Variants in PHACTR1 observed in about 807,000 individuals in gnomAD.
The protein encoded by PHACTR1 is phosphatase and actin regulator 1.
Under a neutral mutation model 69.2 loss-of-function variants are expected in PHACTR1, and 16 were observed. The ratio of observed to expected loss-of-function variants is 0.23; its 90% CI spans 0.16 to 0.35. PHACTR1 has a LOEUF of 0.35. PHACTR1 is among the 10% of genes least tolerant of loss of function. PHACTR1 has a pLI of 1.00. For missense variants in PHACTR1, 510 were observed against 734.7 expected (o/e 0.69, Z 3.54); for synonymous variants, 312 against 284.5 (o/e 1.10, Z -0.97).
intron 4 of PHACTR1, among the ~76,000 whole-genome samples, chr6:12,819,083 A>G (rs541392887): frequency 1.3e-5 from 2 of 152,224 alleles, no homozygotes; most frequent in Non-Finnish European, 2.9e-5. Flanking sequence ...GAAAACCATG[A>G]ACACTGGGCA....
chr6:13,106,633 A>G (rs1816189541), intron 5 of PHACTR1, among the ~76,000 whole-genome samples: 1 of 152,176 alleles, frequency 6.6e-6, no homozygotes, highest in South Asian at 2.1e-4. Context: ...ATGTACCACC[A>G]TGCCTGGCTA....
chr6:12,941,472 TAAAGA>T lies in PHACTR1; in HGVS notation c.251-111891_251-111887del, dbSNP rs531868770. 2.5e-3 allele frequency among the ~76,000 whole-genome samples: 383 copies of T among 152,150 alleles called. 2 individuals are homozygous for T. The highest frequency in any genetic ancestry group is 8.7e-3 in the African/African-American group (362 of 41,516). ...ACAGTAGTACCAGGCTGATTGTAAG[TAAAGA>T]AGAGGTGGAGGGGCCTCATCACTCA... On this transcript the variant is annotated intron_variant, in intron 4 of 14. Coordinates refer to ENST00000332995, the MANE Select transcript of PHACTR1 (RefSeq NM_030948.6).
chr6:13,076,760 T>C (rs1042809733), intron 5 of PHACTR1, among the ~76,000 whole-genome samples: 1 of 151,752 alleles, frequency 6.6e-6, no homozygotes, highest in African/African-American at 2.4e-5. Context: ...GAAGGGACAT[T>C]CCAGATGCAG....
At chr6:13,027,395 G>C (rs919194969) in intron 4 of PHACTR1, among the ~76,000 whole-genome samples, 2 of 152,146 alleles carry the variant, frequency 1.3e-5, no homozygotes, top group African/African-American at 4.8e-5. Flanking sequence ...TCCTTCATTT[G>C]TCTTTTATGC....
At chr6:12,886,841 CA>C (rs199774310) in intron 4 of PHACTR1, among the ~76,000 whole-genome samples, 2,313 of 138,692 alleles carry the variant, frequency 0.017, 39 homozygotes, top group African/African-American at 0.047. Flanking sequence ...AATGCAGTTC[CA>C]AAAAAAAAAA....
chr6:12,809,482 C>A (rs2127692435), intron 4 of PHACTR1, among the ~76,000 whole-genome samples: 1 of 152,300 alleles, frequency 6.6e-6, no homozygotes, highest in East Asian at 1.9e-4. Flanking sequence ...TTTATCCAAA[C>A]TGGCATGAGA....
chr6:13,209,422 A>G (rs932885375), intron 8 of PHACTR1, among the ~76,000 whole-genome samples: 1 of 152,142 alleles, frequency 6.6e-6, no homozygotes, highest in East Asian at 1.9e-4. Context: ...ATTACCAAAC[A>G]CTCAGGCATC....
At chr6:13,285,698 G>A (rs1203830025) in intron 13 of PHACTR1, among the ~76,000 whole-genome samples, 2 of 152,200 alleles carry the variant, frequency 1.3e-5, no homozygotes, top group Non-Finnish European at 2.9e-5. Context: ...GTAGGGAGCT[G>A]GCCATCACCT....
intron 5 of PHACTR1, among the ~76,000 whole-genome samples, chr6:13,063,175 A>T (rs1807946923): frequency 6.6e-6 from 1 of 152,220 alleles, no homozygotes; most frequent in African/African-American, 2.4e-5. Context: ...TAAGAAGTCC[A>T]TACCATTGCA....
At chr6:13,191,358 G>A (rs1487394399) in intron 7 of PHACTR1, among the ~76,000 whole-genome samples, 1 of 152,132 alleles carries the variant, frequency 6.6e-6, no homozygotes, top group Non-Finnish European at 1.5e-5. Context: ...TTATACTCAC[G>A]GGCCCTAGAG....
intron 6 of PHACTR1, among the ~76,000 whole-genome samples, chr6:13,169,390 T>G (rs1348800015): frequency 6.6e-6 from 1 of 152,190 alleles, no homozygotes; most frequent in Non-Finnish European, 1.5e-5. Flanking sequence ...TGGTTTGGAC[T>G]GGTCAGTGTA....
intron 4 of PHACTR1, among the ~76,000 whole-genome samples, chr6:12,963,323 C>A (rs1179734059): frequency 6.6e-6 from 1 of 152,204 alleles, no homozygotes; most frequent in East Asian, 1.9e-4. Flanking sequence ...TGCACCGTTA[C>A]CGGGACCATT....
intron 5 of PHACTR1, among the ~76,000 whole-genome samples, chr6:13,134,327 C>T (rs569641606): frequency 5.3e-5 from 8 of 152,342 alleles, no homozygotes; most frequent in East Asian, 1.9e-4. Context: ...TCCATGATGA[C>T]GATGGCGGTT....
intron 5 of PHACTR1, among the ~76,000 whole-genome samples, chr6:13,115,527 G>A (rs1561850577): frequency 6.6e-6 from 1 of 152,088 alleles, no homozygotes; most frequent in South Asian, 2.1e-4. Context: ...AACAGAGCCT[G>A]AGATGAGGGT....
intron 4 of PHACTR1, among the ~76,000 whole-genome samples, chr6:12,964,127 C>A (rs1344636602): frequency 1.3e-5 from 2 of 152,112 alleles, no homozygotes; most frequent in Non-Finnish European, 1.5e-5. Context: ...AAGCCAACTA[C>A]CTTGTGAGTA....
chr6:12,930,928 G>A (rs568390056), intron 4 of PHACTR1, among the ~76,000 whole-genome samples: 70 of 144,900 alleles, frequency 4.8e-4, no homozygotes, highest in Non-Finnish European at 7.8e-4. Flanking sequence ...GCACATGCCT[G>A]TAATCCCAGC....
chr6:13,206,247 G>A (rs1765905317), intron 8 of PHACTR1, 111 bp downstream of exon 8: 1 of 1,144,374 alleles, frequency 8.7e-7, no homozygotes, highest in African/African-American at 1.6e-5. Flanking sequence ...ATCCCCACTG[G>A]GGGAAAATGT....
chr6:12,718,815 C>G lies in PHACTR1; in HGVS notation c.71C>G (p.Ala24Gly), dbSNP rs1488032191. ...CACAGACTCTTGGATGTTGAGTCAG[C>G]TCAAAGATTCTTCTACAGTCAAGGA... ...SAHRLLDVES[A>G]QRFFYSQGAQ... Residue 24 changes from alanine to glycine, a missense_variant, in exon 3 of 15, where the codon GCT becomes GGT. Ala to Gly is a moderately conservative substitution (Grantham distance 60). Coordinates refer to ENST00000332995, the MANE Select transcript of PHACTR1 (RefSeq NM_030948.6). The G allele has an allele frequency of 6.4e-7, 1 of 1,570,964 alleles. No individual in the cohort carries two copies. Among genetic ancestry groups the G allele is most frequent in the Admixed American group, 1.8e-5 (1 of 54,090 alleles).
intron 5 of PHACTR1, among the ~76,000 whole-genome samples, chr6:13,062,297 G>C (rs1030382151): frequency 1.3e-5 from 2 of 152,148 alleles, no homozygotes; most frequent in Non-Finnish European, 2.9e-5. Flanking sequence ...TTCTGCTATA[G>C]GTTCCACTTA....
Sources: gnomAD v4.1 joint callset for allele counts (sites outside exome capture counted in the v4.1 genomes callset) on GRCh38, gnomAD v4.1.1 for gene constraint, MANE v1.5 for transcripts, NCBI Gene and HGNC (gene_info 2026-07-23, HGNC 2026-07-21) for gene names.